EFHC2: variants seen among roughly 807,000 people sequenced by gnomAD.
EFHC2 encodes the protein EF-hand domain containing 2.
A neutral mutation model predicts 52.7 loss-of-function variants in EFHC2; 18 were observed. That is an observed-to-expected ratio of 0.34 (90% CI 0.24 to 0.51). The LOEUF (loss-of-function observed/expected upper bound fraction) is 0.51, where lower values mean the gene tolerates loss of function less well. Among genes scored for constraint, EFHC2 ranks in the 20% least tolerant of loss-of-function variants. The pLI is 0.97. For synonymous variants in EFHC2, 203 were observed against 204.1 expected, an observed-to-expected ratio of 0.99 and a Z score of 0.04; for missense variants, 513 against 562.5, an observed-to-expected ratio of 0.91 and a Z score of 0.89.
rs749775717 is a variant in EFHC2, at chrX:44,310,099, T to C, written c.231+2469A>G. 4.8e-5 allele frequency: 34 copies of C among 711,304 alleles called. No homozygotes were observed. In the African/African-American group the frequency reaches 6.2e-4, roughly 13 times the overall value. 58.6% of individuals were successfully genotyped at this position (711,304 alleles called of 1,213,427 possible). A position where few individuals can be genotyped will look rare whatever the true frequency, so the allele number is the denominator to read the frequency against. The stretch of plus-strand genomic sequence containing the variant: ...GCAAAGAAAACCAGAACATGGGATA[T>C]AAAATATCTCTCCTCGGGCTTCAGG... On this transcript the variant is annotated intron_variant, in intron 2 of 14. Coordinates refer to ENST00000420999, the MANE Select transcript of EFHC2 (RefSeq NM_025184.4).
chrX:44,302,222 G>T (rs752347827), intron 2 of EFHC2, among the ~76,000 whole-genome samples: 1 of 111,391 alleles, frequency 9.0e-6, no homozygotes, highest in Non-Finnish European at 1.9e-5. Flanking sequence ...GGGATGTAGT[G>T]GTACCTACAA....
At chrX:44,321,054 T>C (rs774980225) in intron 1 of EFHC2, among the ~76,000 whole-genome samples, 2 of 111,739 alleles carry the variant, frequency 1.8e-5, no homozygotes, top group Non-Finnish European at 3.8e-5. Flanking sequence ...CAAGAAATGA[T>C]AGTGGCCTAG....
chrX:44,315,212 A>G (rs745478544), intron 1 of EFHC2, among the ~76,000 whole-genome samples: 39 of 111,092 alleles, frequency 3.5e-4, no homozygotes, highest in African/African-American at 1.2e-3. Flanking sequence ...GCCTTCCACC[A>G]TGATTGGAAG....
At chrX:44,250,122 A>G (rs750177233) in intron 5 of EFHC2, 72 bp downstream of exon 5, 3 of 1,137,151 alleles carry the variant, frequency 2.6e-6, no homozygotes, top group Non-Finnish European at 3.5e-6. Flanking sequence ...TAGTCATAAC[A>G]CACAACATTC....
chrX:44,159,132 T>C (rs1013145513), intron 14 of EFHC2, among the ~76,000 whole-genome samples: 1 of 111,656 alleles, frequency 9.0e-6, no homozygotes, highest in African/African-American at 3.3e-5. Context: ...TGGGCTTCCA[T>C]CACAGTTCGA....
intron 3 of EFHC2, among the ~76,000 whole-genome samples, chrX:44,265,224 C>T (rs991503482): frequency 1.8e-5 from 2 of 111,847 alleles, no homozygotes; most frequent in African/African-American, 6.5e-5. Context: ...TTCTGGAATT[C>T]ACCTTCCAGA....
intron 11 of EFHC2, among the ~76,000 whole-genome samples, chrX:44,184,200 G>A (rs1214001882): frequency 1.8e-5 from 2 of 111,425 alleles, no homozygotes; most frequent in East Asian, 5.7e-4. Flanking sequence ...CTCTGCTGTC[G>A]CTAGGAATTC....
intron 11 of EFHC2, among the ~76,000 whole-genome samples, chrX:44,209,752 C>A (rs1025557667): frequency 4.6e-5 from 5 of 108,858 alleles, no homozygotes; most frequent in Non-Finnish European, 9.5e-5. Context: ...AGAGAGCAAG[C>A]GAATCTTCAT....
intron 11 of EFHC2, among the ~76,000 whole-genome samples, chrX:44,221,037 A>G (rs1402563990): frequency 8.9e-6 from 1 of 111,773 alleles, no homozygotes; most frequent in African/African-American, 3.2e-5. Context: ...TGGAAATAAT[A>G]TTTCATCATT....
intron 2 of EFHC2, among the ~76,000 whole-genome samples, chrX:44,306,240 T>C (rs1476936615): frequency 9.0e-6 from 1 of 111,194 alleles, no homozygotes; most frequent in Non-Finnish European, 1.9e-5. Flanking sequence ...ATCAACTCAA[T>C]AAACCTTTCT....
rs753368892 is a variant in EFHC2 at position 44,148,766 on chromosome X, T to C, written c.*29A>G. The C allele has an allele frequency of 1.4e-5, 15 of 1,101,109 alleles. No individual in the cohort carries two copies. The highest frequency in any genetic ancestry group is 1.8e-5 in the Non-Finnish European group (15 of 820,736). 90.7% of individuals were successfully genotyped at this position (1,101,109 alleles called of 1,213,427 possible). A position where few individuals can be genotyped will look rare whatever the true frequency, so the allele number is the denominator to read the frequency against. On this transcript the variant is annotated 3_prime_UTR_variant, in exon 15 of 15. Coordinates refer to ENST00000420999, the MANE Select transcript of EFHC2 (RefSeq NM_025184.4). ...AATGTGGCAAAATGAGAGAAGTAAA[T>C]CATAGAGAATTGACCAAAACTGGCA...
intron 1 of EFHC2, among the ~76,000 whole-genome samples, chrX:44,329,782 T>C (rs1332015642): frequency 9.2e-6 from 1 of 108,931 alleles, no homozygotes; most frequent in African/African-American, 3.4e-5. Context: ...TGTATTATTA[T>C]TTTTGTAGAG....
At chrX:44,162,932 A>T (rs998406982) in intron 14 of EFHC2, among the ~76,000 whole-genome samples, 8 of 112,044 alleles carry the variant, frequency 7.1e-5, no homozygotes. Flanking sequence ...CCTACAGCAG[A>T]GAACCTGATG....
intron 14 of EFHC2, among the ~76,000 whole-genome samples, chrX:44,150,965 T>G (rs905438396): frequency 9.1e-6 from 1 of 110,475 alleles, no homozygotes; most frequent in African/African-American, 3.3e-5. Flanking sequence ...GGCCTCCCTA[T>G]AAAAAGACAG....
intron 14 of EFHC2, among the ~76,000 whole-genome samples, chrX:44,158,576 G>A (rs2036626789): frequency 9.0e-6 from 1 of 110,725 alleles, no homozygotes; most frequent in African/African-American, 3.3e-5. Context: ...CAACCTGATG[G>A]ATCTTACCCT....
intron 1 of EFHC2, among the ~76,000 whole-genome samples, chrX:44,322,936 C>A (rs140618724): frequency 1.3e-3 from 142 of 110,549 alleles, no homozygotes; most frequent in African/African-American, 4.1e-3. Flanking sequence ...TCACTTGAAC[C>A]TGGGAGGTGG....
In EFHC2 at chrX:44,148,492, G is replaced by C. The variant is rs775319468; in HGVS notation, c.*303C>G. 2.4e-5 allele frequency: 5 copies of C among 211,148 alleles called. No individual in the cohort carries two copies. The highest frequency in any genetic ancestry group is 9.4e-5 in the South Asian group (1 of 10,671). The allele number at this position is 211,148 out of a possible 1,213,427, so 17.4% of individuals were successfully genotyped here. On this transcript the variant is annotated 3_prime_UTR_variant, in exon 15 of 15. Coordinates refer to ENST00000420999, the MANE Select transcript of EFHC2 (RefSeq NM_025184.4). Reference sequence around the variant, plus strand: ...TCAAAAGTCATTTTCTGTTCATATAGTAATGAATCAAATTATGTTGGATCA... The same window carrying C: ...TCAAAAGTCATTTTCTGTTCATATACTAATGAATCAAATTATGTTGGATCA...
chrX:44,246,588 T>C (rs1477046804), intron 7 of EFHC2, among the ~76,000 whole-genome samples: 1 of 111,330 alleles, frequency 9.0e-6, no homozygotes, highest in Non-Finnish European at 1.9e-5. Context: ...GCACAAGGAC[T>C]CGACTGAAAT....
chrX:44,283,423 C>A (rs950833280), intron 2 of EFHC2, among the ~76,000 whole-genome samples: 1 of 111,652 alleles, frequency 9.0e-6, no homozygotes, highest in African/African-American at 3.3e-5. Flanking sequence ...ACCTCGTGAT[C>A]CGCCCACCTC....
Sources: allele counts gnomAD v4.1 joint callset (sites outside exome capture counted in the v4.1 genomes callset), GRCh38; gene constraint gnomAD v4.1.1; transcripts MANE v1.5; gene names NCBI Gene and HGNC (gene_info 2026-07-23, HGNC 2026-07-21).